RHBDL3: variants seen among roughly 807,000 people sequenced by gnomAD.
The protein encoded by RHBDL3 is rhomboid like 3, also known as rhomboid-related protein 3.
A neutral mutation model predicts 48.2 loss-of-function variants in RHBDL3; 28 were observed. The ratio of observed to expected loss-of-function variants is 0.58; its 90% CI spans 0.43 to 0.80. RHBDL3 has a LOEUF of 0.80. RHBDL3 is among the 30% of genes least tolerant of loss of function. RHBDL3 has a pLI of 0.00. For synonymous variants in RHBDL3, 208 were observed against 232.3 expected (o/e 0.90, Z 0.95); for missense variants, 464 against 542.7 (o/e 0.85, Z 1.44).
intron 2 of RHBDL3, among the ~76,000 whole-genome samples, chr17:32,269,761 CTCTG>C (rs978602441): frequency 1.3e-5 from 2 of 151,934 alleles, no homozygotes; most frequent in African/African-American, 2.4e-5. Flanking sequence ...CTTTTTTTTT[CTCTG>C]TCTGTGTCTA....
In RHBDL3 at chr17:32,276,455, A is replaced by G. The variant is rs541491714; in HGVS notation, c.136-8204A>G. ...CTAATTTACGGGGCTGTAAATATCC[A>G]TGAAAGGGCCAGAGTTCCCTTTTGG... On this transcript the variant is annotated intron_variant, in intron 2 of 8. Transcript: ENST00000269051. Among the ~76,000 whole-genome samples the G allele has an allele frequency of 1.1e-4, 16 of 152,276 alleles. No individual in the cohort carries two copies. In the East Asian group the frequency reaches 2.9e-3, roughly 28 times the overall value.
intron 2 of RHBDL3, chr17:32,284,369 T>C (rs1013487323): frequency 6.2e-6 from 2 of 323,406 alleles, no homozygotes; most frequent in African/African-American, 4.3e-5. Context: ...TGCCTTTTCA[T>C]TCGCACTTCC....
intron 4 of RHBDL3, among the ~76,000 whole-genome samples, chr17:32,292,169 G>T (rs948788665): frequency 3.3e-5 from 5 of 152,120 alleles, no homozygotes; most frequent in African/African-American, 1.2e-4. Flanking sequence ...AAAAAAAAGA[G>T]TTAAATACCC....
intron 2 of RHBDL3, among the ~76,000 whole-genome samples, chr17:32,283,199 T>A (rs760746321): frequency 6.6e-6 from 1 of 151,970 alleles, no homozygotes; most frequent in East Asian, 1.9e-4. Context: ...GCTCCTGGCG[T>A]CCAGGAGATG....
rs997419334 is a variant in RHBDL3 at position 32,265,875 on chromosome 17, G to A, written c.-315G>A. On this transcript the variant is annotated 5_prime_UTR_variant, in exon 1 of 9. Transcript: ENST00000269051. ...GAAGCGGGAAGGGAGCGCGGGGAGC[G>A]GCGGGGCCGGGGCCGGCCCAAGGGC... Among the ~76,000 whole-genome samples the A allele has an allele frequency of 1.4e-5, 2 of 147,300 alleles. No homozygotes were observed. The highest frequency in any genetic ancestry group is 4.9e-5 in the African/African-American group (2 of 40,962).
At chr17:32,267,759 A>G in intron 1 of RHBDL3, 143 bp from the exon 2 acceptor site, 1 of 1,406,764 alleles carries the variant, frequency 7.1e-7, no homozygotes, top group Non-Finnish European at 9.4e-7. Flanking sequence ...TCCTGTGGCC[A>G]GTCCCTGAGC....
chr17:32,291,339 GAAAAAAAGAAAAA>G (rs1415413622), intron 4 of RHBDL3, among the ~76,000 whole-genome samples: 1 of 125,904 alleles, frequency 7.9e-6, no homozygotes, highest in Non-Finnish European at 1.7e-5. Context: ...TCTCAAAAAA[GAAAAAAAGAAAAA>G]AAAAAAAGAA....
At chr17:32,268,853 G>A (rs1055373570) in intron 2 of RHBDL3, among the ~76,000 whole-genome samples, 6 of 152,136 alleles carry the variant, frequency 3.9e-5, no homozygotes, top group African/African-American at 1.4e-4. Flanking sequence ...AAGCTCCAGT[G>A]TCTTAGGGGA....
chr17:32,321,150 C>A lies in RHBDL3; in HGVS notation c.1136C>A (p.Thr379Asn). ...SLWWIFVAMYTVFVLFAVFWN... is the reference protein window; with the variant it reads ...SLWWIFVAMYNVFVLFAVFWN... Reference sequence around the variant, plus strand: ...TGGTGGATTTTTGTGGCCATGTACACCGTCTTCGTGCTGTTCGCTGTCTTC... The same window carrying A: ...TGGTGGATTTTTGTGGCCATGTACAACGTCTTCGTGCTGTTCGCTGTCTTC... Residue 379 changes from threonine (T) to asparagine (N), a missense_variant, in exon 9 of 9, where the codon ACC (threonine) becomes AAC (asparagine). Thr to Asn is a moderately conservative substitution (Grantham distance 65). Coordinates refer to ENST00000269051, the MANE Select transcript of RHBDL3 (RefSeq NM_138328.3). 1 of 1,614,248 alleles carries A rather than the reference C, an allele frequency of 6.2e-7. No individual in the cohort carries two copies. The highest frequency in any genetic ancestry group is 1.3e-5 in the African/African-American group (1 of 75,086).
intron 2 of RHBDL3, among the ~76,000 whole-genome samples, chr17:32,274,873 CATGTGTGTGT>C (rs2039858982): frequency 6.6e-6 from 1 of 151,956 alleles, no homozygotes; most frequent in Admixed American, 6.6e-5. Flanking sequence ...CAAGAGTGTG[CATGTGTGTGT>C]GTGTGCACGC....
Position 32,314,045 on chromosome 17 carries a change from C to A in RHBDL3, c.883-2187C>A, listed in dbSNP as rs112304368. On this transcript the variant is annotated intron_variant, in intron 7 of 8. Coordinates refer to ENST00000269051, the MANE Select transcript of RHBDL3 (RefSeq NM_138328.3). ...AAGTGCTGGGATTATAGGCGTGAGC[C>A]ACCGCCTTTTAAAGGCTGAATTGTA... Among the ~76,000 whole-genome samples the A allele has an allele frequency of 5.7e-3, 870 of 152,266 alleles. 10 individuals carry two copies. Among genetic ancestry groups the A allele is most frequent in the African/African-American group, 0.019 (794 of 41,546 alleles).
At chr17:32,271,501 A>G (rs1115179) in intron 2 of RHBDL3, among the ~76,000 whole-genome samples, 95,512 of 152,074 alleles carry the variant, frequency 0.63, 32,398 homozygotes, top group African/African-American at 0.91. Flanking sequence ...GAATCCCAGG[A>G]AGCTTTGATT....
intron 2 of RHBDL3, among the ~76,000 whole-genome samples, chr17:32,278,898 G>A (rs1363853466): frequency 2.6e-5 from 4 of 152,158 alleles, no homozygotes; most frequent in East Asian, 1.9e-4. Context: ...AGGCCAAAGT[G>A]GGAGGATTGC....
At chr17:32,311,106 T>G (rs1466663051) in intron 7 of RHBDL3, among the ~76,000 whole-genome samples, 1 of 152,112 alleles carries the variant, frequency 6.6e-6, no homozygotes, top group African/African-American at 2.4e-5. Flanking sequence ...CTTAACCCGT[T>G]TGGGTGAGCA....
chr17:32,275,156 T>C (rs2039866842), intron 2 of RHBDL3, among the ~76,000 whole-genome samples: 1 of 152,070 alleles, frequency 6.6e-6, no homozygotes, highest in Non-Finnish European at 1.5e-5. Context: ...CGATGTCAGA[T>C]CCCTCCCTGC....
At chr17:32,287,499 C>T (rs555090261) in intron 3 of RHBDL3, among the ~76,000 whole-genome samples, 20 of 152,144 alleles carry the variant, frequency 1.3e-4, no homozygotes, top group Admixed American at 9.8e-4. Flanking sequence ...CTGGAGGGGG[C>T]GAGCTTTAAG....
At chr17:32,282,302 C>T (rs1299790691) in intron 2 of RHBDL3, among the ~76,000 whole-genome samples, 2 of 152,162 alleles carry the variant, frequency 1.3e-5, no homozygotes, top group Non-Finnish European at 2.9e-5. Context: ...CATGGTAGCT[C>T]ATGCCTGTAA....
At chr17:32,301,563 G>A (rs1013911193) in intron 6 of RHBDL3, among the ~76,000 whole-genome samples, 38 of 152,142 alleles carry the variant, frequency 2.5e-4, no homozygotes, top group African/African-American at 9.2e-4. Flanking sequence ...GCTCACACCT[G>A]TAATCCCAGC....
chr17:32,294,645 G>T (rs542995850), intron 5 of RHBDL3, among the ~76,000 whole-genome samples: 1 of 152,124 alleles, frequency 6.6e-6, no homozygotes. Flanking sequence ...TATATAAGAA[G>T]GAAAATGCTA....
Sources: gnomAD v4.1 joint callset for allele counts (sites outside exome capture counted in the v4.1 genomes callset) on GRCh38, gnomAD v4.1.1 for gene constraint, MANE v1.5 for transcripts, NCBI Gene and HGNC (gene_info 2026-07-23, HGNC 2026-07-21) for gene names.